Variants in ATP6V1H observed in about 807,000 individuals in gnomAD.
ATP6V1H encodes the protein ATPase H+ transporting V1 subunit H.
In ATP6V1H, 39 loss-of-function variants were observed where a neutral mutation model predicts 71.7. The ratio of observed to expected loss-of-function variants is 0.54; its 90% CI spans 0.42 to 0.71. ATP6V1H has a LOEUF of 0.71. Among genes scored for constraint, ATP6V1H ranks in the 30% least tolerant of loss-of-function variants. The probability of loss-of-function intolerance (pLI) is 0.00; values close to 1 mark genes in which losing one functional copy is unlikely to be tolerated. For synonymous variants in ATP6V1H, 192 were observed against 199.3 expected, an observed-to-expected ratio of 0.96 and a Z score of 0.31; for missense variants, 509 against 594.9, an observed-to-expected ratio of 0.86 and a Z score of 1.50.
At position 53,793,735 on chromosome 8, in the gene ATP6V1H, T is replaced by A. The variant is rs146965220; in HGVS notation, c.870+1912A>T. ...AGGTGGATCACTTGAGGTCAGGAGT[T>A]CGAGACCAGCCTGGGAAACATGGTA... is the stretch of plus-strand genomic sequence containing the variant. On this transcript the variant is annotated intron_variant, in intron 9 of 13. Coordinates refer to ENST00000359530, the MANE Select transcript of ATP6V1H (RefSeq NM_015941.4). 2.1e-3 allele frequency among the ~76,000 whole-genome samples: 325 copies of A among 152,136 alleles called. 1 individual carries two copies. The highest frequency in any genetic ancestry group is 6.2e-3 in the African/African-American group (257 of 41,500).
At chr8:53,798,506 C>G (rs908775214) in intron 8 of ATP6V1H, among the ~76,000 whole-genome samples, 2 of 151,818 alleles carry the variant, frequency 1.3e-5, no homozygotes, top group East Asian at 3.9e-4. Context: ...GGGTGAGACT[C>G]TGTCTCAGAA....
chr8:53,793,945 C>CA (rs971488936), intron 9 of ATP6V1H, among the ~76,000 whole-genome samples: 19 of 151,236 alleles, frequency 1.3e-4, no homozygotes, highest in African/African-American at 3.2e-4. Context: ...TTTAAAAAAA[C>CA]AAAAAAAAGT....
At chr8:53,783,837 T>C (rs1169298676) in intron 9 of ATP6V1H, among the ~76,000 whole-genome samples, 4 of 152,226 alleles carry the variant, frequency 2.6e-5, no homozygotes, top group Non-Finnish European at 5.9e-5. Flanking sequence ...TCAGTTTCCA[T>C]GTAGTTGAGC....
intron 13 of ATP6V1H, among the ~76,000 whole-genome samples, chr8:53,739,839 C>T (rs942604248): frequency 3.9e-5 from 6 of 152,218 alleles, no homozygotes; most frequent in Non-Finnish European, 5.9e-5. Flanking sequence ...CAGAGGCCCG[C>T]GAGTAGGACT....
intron 11 of ATP6V1H, among the ~76,000 whole-genome samples, chr8:53,763,281 T>C (rs184215047): frequency 5.2e-4 from 79 of 152,294 alleles, no homozygotes; most frequent in African/African-American, 1.8e-3. Flanking sequence ...CAAAACTCAA[T>C]TGTTTTTCTA....
intron 4 of ATP6V1H, among the ~76,000 whole-genome samples, chr8:53,817,911 A>G (rs936437118): frequency 4.6e-5 from 7 of 152,094 alleles, no homozygotes; most frequent in Admixed American, 1.3e-4. Flanking sequence ...GAAGAGCACA[A>G]ATTAGGTCTA....
At chr8:53,837,925 T>C (rs988649600) in intron 2 of ATP6V1H, among the ~76,000 whole-genome samples, 13 of 152,098 alleles carry the variant, frequency 8.5e-5, no homozygotes, top group Admixed American at 4.6e-4. Context: ...GGACATGGAC[T>C]GTGAGCAAAA....
At chr8:53,816,776 C>A (rs1019117295) in intron 5 of ATP6V1H, among the ~76,000 whole-genome samples, 5 of 151,848 alleles carry the variant, frequency 3.3e-5, no homozygotes, top group African/African-American at 1.2e-4. Flanking sequence ...AGTCTGGCAA[C>A]AGAGTGAGAC....
At chr8:53,725,631 G>C (rs1418294506) in intron 13 of ATP6V1H, among the ~76,000 whole-genome samples, 1 of 150,192 alleles carries the variant, frequency 6.7e-6, no homozygotes. Context: ...ACAAAATAAA[G>C]TTTAACAACA....
At position 53,743,677 on chromosome 8, in the gene ATP6V1H, G is replaced by C. The variant is rs1173554988; in HGVS notation, c.1291C>G (p.Leu431Val). The part of the protein sequence containing the change: ...YPRGKRVIEQ[L>V]GGKQLVMNHM... ...TTCATGACCAGCTGCTTCCCACCGA[G>C]CTGCTCGATGACCCTGCAAACGGGA... is the stretch of plus-strand genomic sequence containing the variant. Residue 431 changes from leucine to valine, a missense_variant, in exon 13 of 14, where the codon CTC becomes GTC. By Grantham distance (32) the Leu-to-Val change is conservative. This residue lies in a region of ATP6V1H where 212 missense variants were observed against 291.6 expected (regional missense o/e 0.73). Transcript: ENST00000359530. 1.2e-6 allele frequency: 2 copies of C among 1,610,734 alleles called. No individual in the cohort carries two copies. The highest frequency in any genetic ancestry group is 1.7e-5 in the Admixed American group (1 of 59,912).
intron 10 of ATP6V1H, among the ~76,000 whole-genome samples, chr8:53,770,184 G>A (rs1255903464): frequency 6.6e-6 from 1 of 152,044 alleles, no homozygotes; most frequent in Non-Finnish European, 1.5e-5. Flanking sequence ...ATCATAAACT[G>A]TAATAATACA....
intron 9 of ATP6V1H, among the ~76,000 whole-genome samples, chr8:53,795,036 A>C (rs777796168): frequency 3.3e-5 from 5 of 152,204 alleles, no homozygotes; most frequent in Non-Finnish European, 5.9e-5. Flanking sequence ...AATTATCAGT[A>C]GACAATTGGC....
chr8:53,762,934 A>T (rs1400630597), intron 11 of ATP6V1H, among the ~76,000 whole-genome samples: 2 of 152,192 alleles, frequency 1.3e-5, no homozygotes, highest in Non-Finnish European at 2.9e-5. Context: ...GACCTTTACA[A>T]TGATCCACTT....
chr8:53,821,920 T>A (rs1810676416), intron 4 of ATP6V1H, among the ~76,000 whole-genome samples: 1 of 151,944 alleles, frequency 6.6e-6, no homozygotes, highest in Non-Finnish European at 1.5e-5. Flanking sequence ...TCCTCAAACA[T>A]CTGGAAAAAT....
At chr8:53,727,630 A>AT (rs1806859974) in intron 13 of ATP6V1H, among the ~76,000 whole-genome samples, 3 of 152,048 alleles carry the variant, frequency 2.0e-5, no homozygotes, top group Admixed American at 1.3e-4. Context: ...TTCTACACAC[A>AT]TTTTTTCAGG....
At chr8:53,842,560 T>C (rs974205132) in intron 1 of ATP6V1H, 4 of 152,210 alleles carry the variant, frequency 2.6e-5, no homozygotes, top group African/African-American at 9.7e-5. Flanking sequence ...TTAATCTCTG[T>C]ATCTGAAGAT....
intron 3 of ATP6V1H, among the ~76,000 whole-genome samples, chr8:53,830,052 G>A (rs530798004): frequency 1.1e-4 from 16 of 152,260 alleles, no homozygotes; most frequent in African/African-American, 3.6e-4. Context: ...GTAAGAATCA[G>A]ACCAATTTGT....
chr8:53,767,242 A>G (rs992100437), intron 11 of ATP6V1H, among the ~76,000 whole-genome samples: 2 of 152,254 alleles, frequency 1.3e-5, no homozygotes, highest in African/African-American at 4.8e-5. Context: ...TAACATATCA[A>G]TATTAGTTCA....
chr8:53,772,533 G>A (rs1808701204), intron 9 of ATP6V1H, among the ~76,000 whole-genome samples: 1 of 152,032 alleles, frequency 6.6e-6, no homozygotes, highest in Admixed American at 6.5e-5. Flanking sequence ...CTAAGAGAGA[G>A]TGTTTCTTCA....
Sources: allele counts gnomAD v4.1 joint callset (sites outside exome capture counted in the v4.1 genomes callset), GRCh38; gene constraint gnomAD v4.1.1; regional missense constraint gnomAD v4.1.1; transcripts MANE v1.5; gene names NCBI Gene and HGNC (gene_info 2026-07-23, HGNC 2026-07-21).